Variants in ASAP2 observed in about 807,000 individuals in gnomAD.
The protein encoded by ASAP2 is arf-GAP with SH3 domain, ANK repeat and PH domain-containing protein 2.
ASAP2 carries 45 observed loss-of-function variants against 131.4 expected under a neutral mutation model. That is an observed-to-expected ratio of 0.34 (90% CI 0.27 to 0.44). ASAP2 has a LOEUF of 0.44. Among genes scored for constraint, ASAP2 ranks in the 20% least tolerant of loss-of-function variants. ASAP2 has a pLI of 1.00. For synonymous variants in ASAP2, 510 were observed against 503.0 expected, an observed-to-expected ratio of 1.01 and a Z score of -0.19; for missense variants, 1,011 against 1,297.0, an observed-to-expected ratio of 0.78 and a Z score of 3.39.
Position 9,317,384 on chromosome 2 carries a change from C to CCA in ASAP2, c.346-1130_346-1129dup, listed in dbSNP as rs141487278. On this transcript the variant is annotated intron_variant, in intron 3 of 27. Transcript: ENST00000281419. ...ATTCACATTCACCCCCAACTCACAT[C>CCA]CACACACACACCCTCAAACACACAC... 8.0e-5 allele frequency among the ~76,000 whole-genome samples: 12 copies of CCA among 149,304 alleles called. No homozygotes were observed. In the East Asian group the frequency reaches 9.9e-4, roughly 12 times the overall value.
chr2:9,394,240 C>T (rs1337585694), intron 24 of ASAP2, among the ~76,000 whole-genome samples: 13 of 143,244 alleles, frequency 9.1e-5, no homozygotes, highest in African/African-American at 2.6e-4. Flanking sequence ...TCTCGGCTCA[C>T]TGCAAGCTCT....
chr2:9,318,918 C>T (rs144086633), intron 4 of ASAP2, among the ~76,000 whole-genome samples: 322 of 152,290 alleles, frequency 2.1e-3, no homozygotes, highest in Non-Finnish European at 4.0e-3. Context: ...TGGGAGGAGT[C>T]GGGCTTTCTA....
intron 9 of ASAP2, among the ~76,000 whole-genome samples, chr2:9,337,595 T>C (rs1256830773): frequency 1.3e-5 from 2 of 152,182 alleles, no homozygotes; most frequent in East Asian, 3.9e-4. Flanking sequence ...AGAAACTGCC[T>C]TGATGGTTGG....
chr2:9,258,382 C>T (rs1329963982), intron 1 of ASAP2, among the ~76,000 whole-genome samples: 2 of 133,370 alleles, frequency 1.5e-5, no homozygotes, highest in African/African-American at 6.2e-5. Context: ...TCTTACTTTC[C>T]TTTAAAAAAT....
chr2:9,333,051 C>T (rs536835158), intron 7 of ASAP2, among the ~76,000 whole-genome samples: 17 of 152,310 alleles, frequency 1.1e-4, no homozygotes, highest in Admixed American at 3.3e-4. Flanking sequence ...TTAAAGGCCA[C>T]GCTGCAGTGT....
chr2:9,331,994 C>T (rs1253945015), intron 7 of ASAP2, among the ~76,000 whole-genome samples: 3 of 151,866 alleles, frequency 2.0e-5, no homozygotes, highest in South Asian at 2.1e-4. Flanking sequence ...AATGTGGTGG[C>T]GTGAAGGCTG....
chr2:9,215,099 T>C (rs1394278373), intron 1 of ASAP2, among the ~76,000 whole-genome samples: 2 of 152,194 alleles, frequency 1.3e-5, no homozygotes, highest in African/African-American at 4.8e-5. Context: ...GGCTATATAT[T>C]AAGAGCCTAT....
chr2:9,353,804 C>G (rs1672508130), intron 12 of ASAP2, among the ~76,000 whole-genome samples: 1 of 152,034 alleles, frequency 6.6e-6, no homozygotes, highest in Non-Finnish European at 1.5e-5. Flanking sequence ...CAGGGGCTTC[C>G]CATTCTCATG....
intron 7 of ASAP2, among the ~76,000 whole-genome samples, chr2:9,334,121 A>G (rs1572479241): frequency 7.6e-6 from 1 of 130,932 alleles, no homozygotes; most frequent in African/African-American, 3.0e-5. Flanking sequence ...ATCTCGGCTC[A>G]CTGCAACCTC....
At chr2:9,353,418 A>G (rs776430734) in intron 12 of ASAP2, among the ~76,000 whole-genome samples, 1 of 152,118 alleles carries the variant, frequency 6.6e-6, no homozygotes, top group Non-Finnish European at 1.5e-5. Flanking sequence ...ATAGTGCAGT[A>G]TGGTGACATG....
chr2:9,397,381 G>A (rs896522267), intron 24 of ASAP2, among the ~76,000 whole-genome samples: 1 of 152,140 alleles, frequency 6.6e-6, no homozygotes, highest in African/African-American at 2.4e-5. Context: ...ATTTTACCTG[G>A]TTTCACATCT....
chr2:9,317,096 A>G (rs971938113), intron 3 of ASAP2, among the ~76,000 whole-genome samples: 6 of 144,638 alleles, frequency 4.1e-5, no homozygotes, highest in South Asian at 2.3e-4. Context: ...CACACACTCA[A>G]CCACACTCAT....
At chr2:9,317,327 A>G (rs1005051911) in intron 3 of ASAP2, among the ~76,000 whole-genome samples, 3 of 24,456 alleles carry the variant, frequency 1.2e-4, no homozygotes, top group Admixed American at 5.6e-4. Flanking sequence ...TCACACAATC[A>G]TATCTTCACT....
At chr2:9,274,530 G>T (rs1250029858) in intron 1 of ASAP2, among the ~76,000 whole-genome samples, 2 of 151,948 alleles carry the variant, frequency 1.3e-5, no homozygotes, top group Non-Finnish European at 2.9e-5. Flanking sequence ...ACCATGTTGT[G>T]CAGGCTGGTC....
At chr2:9,305,962 G>T (rs1224342381) in intron 3 of ASAP2, among the ~76,000 whole-genome samples, 9 of 149,288 alleles carry the variant, frequency 6.0e-5, no homozygotes, top group South Asian at 2.1e-4. Context: ...GATATTGGTG[G>T]AGGGGCTGTA....
chr2:9,344,048 C>A (rs1427887377), intron 9 of ASAP2, among the ~76,000 whole-genome samples: 1 of 152,150 alleles, frequency 6.6e-6, no homozygotes, highest in Non-Finnish European at 1.5e-5. Context: ...TGTTTATTGG[C>A]CTTACTGGGT....
rs1425018944 is a variant in ASAP2, at chr2:9,232,426, C to T, written c.126+25196C>T. Among the ~76,000 whole-genome samples, 2 of 152,258 alleles carry T rather than the reference C, an allele frequency of 1.3e-5. No homozygotes were observed. The highest frequency in any genetic ancestry group is 4.8e-5 in the African/African-American group (2 of 41,472). On this transcript the variant is annotated intron_variant, in intron 1 of 27. Coordinates refer to ENST00000281419, the MANE Select transcript of ASAP2 (RefSeq NM_003887.3). The surrounding 1 kb of genome is among the most constrained non-coding windows in gnomAD (Gnocchi z 4.1). ...GCCCCCGTACCCCTTTCGCAGCTGA[C>T]TGTCCACATTATACTGTCTGTATCT...
intron 22 of ASAP2, 102 bp downstream of exon 22, chr2:9,388,648 C>CTTTTG: frequency 1.4e-6 from 2 of 1,463,834 alleles, no homozygotes; most frequent in Non-Finnish European, 1.8e-6. Flanking sequence ...CCTTTGGGCT[C>CTTTTG]TTTTGTTTTG....
At chr2:9,246,245 T>C (rs1558262701) in intron 1 of ASAP2, among the ~76,000 whole-genome samples, 1 of 152,238 alleles carries the variant, frequency 6.6e-6, no homozygotes, top group Non-Finnish European at 1.5e-5. Flanking sequence ...TTCACCTGAC[T>C]TCTCAGTAAC....
Sources: allele counts gnomAD v4.1 joint callset (sites outside exome capture counted in the v4.1 genomes callset), GRCh38; gene constraint gnomAD v4.1.1; non-coding constraint Gnocchi (gnomAD v3.1); transcripts MANE v1.5; gene names NCBI Gene and HGNC (gene_info 2026-07-23, HGNC 2026-07-21).